Variants in MAMDC2 observed in about 807,000 individuals in gnomAD.
MAMDC2 encodes the protein MAM domain containing 2, also known as MAM domain-containing protein 2.
A neutral mutation model predicts 89.8 loss-of-function variants in MAMDC2; 57 were observed. The ratio of observed to expected loss-of-function variants is 0.63; its 90% CI spans 0.51 to 0.79. MAMDC2 has a LOEUF of 0.79. Among genes scored for constraint, MAMDC2 ranks in the 30% least tolerant of loss-of-function variants. The pLI, the probability that MAMDC2 is intolerant of heterozygous loss-of-function variation, is 0.00. For synonymous variants in MAMDC2, 313 were observed against 293.4 expected, an observed-to-expected ratio of 1.07 and a Z score of -0.68; for missense variants, 800 against 820.6, an observed-to-expected ratio of 0.97 and a Z score of 0.31.
chr9:70,088,161 C>T (rs534345208), intron 2 of MAMDC2, among the ~76,000 whole-genome samples: 54 of 152,224 alleles, frequency 3.5e-4, no homozygotes, highest in Non-Finnish European at 6.5e-4. Flanking sequence ...CCATTTACCC[C>T]TGGGCTCCTA....
Position 70,043,856 on chromosome 9 carries a change from C to G in MAMDC2, c.-342C>G, listed in dbSNP as rs1356847523. On this transcript the variant is annotated 5_prime_UTR_variant, in exon 1 of 14. Transcript: ENST00000377182. ...CGAAGGCACTGCGGGCCGACCTCTC[C>G]TCTCCCAGCCAGTCGTGGCTGGCCT... 1 of 372,314 alleles carries G rather than the reference C, an allele frequency of 2.7e-6. No individual in the cohort carries two copies. Among genetic ancestry groups the G allele is most frequent in the Non-Finnish European group, 4.9e-6 (1 of 204,618 alleles). 23.1% of individuals were successfully genotyped at this position (372,314 alleles called of 1,614,324 possible).
intron 9 of MAMDC2, among the ~76,000 whole-genome samples, chr9:70,162,429 G>T (rs181339786): frequency 6.6e-6 from 1 of 151,734 alleles, no homozygotes; most frequent in Non-Finnish European, 1.5e-5. Context: ...ATCTTGATTT[G>T]GTTTGAGAAC....
chr9:70,126,110 T>TCCCCC, intron 5 of MAMDC2, 49 bp from the exon 6 acceptor site: 7 of 1,004,970 alleles, frequency 7.0e-6, no homozygotes, highest in South Asian at 3.1e-5. Flanking sequence ...CCTCTTCCCC[T>TCCCCC]CCCCCACCCC....
chr9:70,108,937 G>A (rs1828422797), intron 3 of MAMDC2, among the ~76,000 whole-genome samples: 1 of 152,184 alleles, frequency 6.6e-6, no homozygotes, highest in Non-Finnish European at 1.5e-5. Flanking sequence ...TAAAGGACAT[G>A]TTCCATTTCC....
chr9:70,062,260 T>TACACAC (rs71505376), intron 2 of MAMDC2, among the ~76,000 whole-genome samples: 4 of 150,150 alleles, frequency 2.7e-5, no homozygotes, highest in South Asian at 2.1e-4. Context: ...ATGAGATGTA[T>TACACAC]ACACACACAC....
chr9:70,167,582 C>T (rs1305452746), intron 9 of MAMDC2, among the ~76,000 whole-genome samples: 5 of 152,250 alleles, frequency 3.3e-5, no homozygotes, highest in Middle Eastern at 6.8e-3. Flanking sequence ...GCTTGTGCTA[C>T]GTAAACATTG....
intron 12 of MAMDC2, among the ~76,000 whole-genome samples, chr9:70,222,423 G>A (rs2033581299): frequency 6.6e-6 from 1 of 152,126 alleles, no homozygotes; most frequent in Admixed American, 6.5e-5. Flanking sequence ...GAATGGGGGT[G>A]GGCAGGTAGA....
chr9:70,051,008 C>T (rs765852788), intron 2 of MAMDC2, among the ~76,000 whole-genome samples: 17 of 152,214 alleles, frequency 1.1e-4, no homozygotes, highest in Admixed American at 2.6e-4. Context: ...CCACCCCAGC[C>T]TGCTAGTGCC....
At chr9:70,101,909 A>T (rs1176389756) in intron 2 of MAMDC2, among the ~76,000 whole-genome samples, 1 of 152,206 alleles carries the variant, frequency 6.6e-6, no homozygotes, top group Admixed American at 6.5e-5. Flanking sequence ...TACATTGTCA[A>T]AATTGCTCTT....
At chr9:70,179,286 G>A (rs2032578956) in intron 11 of MAMDC2, among the ~76,000 whole-genome samples, 1 of 152,008 alleles carries the variant, frequency 6.6e-6, no homozygotes, top group African/African-American at 2.4e-5. Flanking sequence ...GCTGAGGCAG[G>A]CGGATCACGA....
intron 7 of MAMDC2, among the ~76,000 whole-genome samples, chr9:70,136,080 G>A (rs1195565739): frequency 6.6e-6 from 1 of 152,182 alleles, no homozygotes; most frequent in Non-Finnish European, 1.5e-5. Flanking sequence ...GAACCCAGGA[G>A]GCAGAGGCTA....
At chr9:70,102,319 C>T (rs1171832914) in intron 2 of MAMDC2, among the ~76,000 whole-genome samples, 3 of 152,148 alleles carry the variant, frequency 2.0e-5, no homozygotes, top group Admixed American at 2.0e-4. Flanking sequence ...ACAGTCACCC[C>T]AGCATGATTA....
chr9:70,104,453 G>C (rs1379913071), intron 2 of MAMDC2, among the ~76,000 whole-genome samples: 1 of 152,096 alleles, frequency 6.6e-6, no homozygotes, highest in Non-Finnish European at 1.5e-5. Context: ...CATACACCTA[G>C]GAGAAGTGAA....
rs553878492 is a variant in MAMDC2 at position 70,058,475 on chromosome 9, T to G, written c.148+13778T>G. On this transcript the variant is annotated intron_variant, in intron 2 of 13. Coordinates refer to ENST00000377182, the MANE Select transcript of MAMDC2 (RefSeq NM_153267.5). ...ATAACCCATATGGAGTGGTTTCTTT[T>G]GGGTATATATTGTTCTCCGTGTTTT... Among the ~76,000 whole-genome samples the G allele has an allele frequency of 4.1e-3, 625 of 152,324 alleles. 1 individual carries two copies. The highest frequency in any genetic ancestry group is 0.014 in the African/African-American group (599 of 41,566).
chr9:70,108,142 T>G, intron 2 of MAMDC2, 69 bp from the exon 3 acceptor site: 1 of 1,413,054 alleles, frequency 7.1e-7, no homozygotes. Flanking sequence ...TTTACTTAAC[T>G]GCAGTTACGT....
chr9:70,080,116 C>A (rs1327208714), intron 2 of MAMDC2, among the ~76,000 whole-genome samples: 1 of 152,086 alleles, frequency 6.6e-6, no homozygotes, highest in African/African-American at 2.4e-5. Context: ...ACCATTCATG[C>A]CTTTATGACC....
chr9:70,182,186 T>C (rs7875348), intron 11 of MAMDC2, among the ~76,000 whole-genome samples: 127,659 of 152,038 alleles, frequency 0.84, 53,719 homozygotes, highest in Admixed American at 0.89. Context: ...GAACCAGCCT[T>C]GTATCCCAGG....
At chr9:70,055,707 T>C (rs1827011164) in intron 2 of MAMDC2, among the ~76,000 whole-genome samples, 2 of 152,188 alleles carry the variant, frequency 1.3e-5, no homozygotes, top group Admixed American at 1.3e-4. Context: ...CTAATTTCTT[T>C]TCCATAACAG....
chr9:70,109,152 A>G (rs1164370876), intron 3 of MAMDC2: 2 of 152,500 alleles, frequency 1.3e-5, no homozygotes, highest in Non-Finnish European at 2.9e-5. Context: ...CCGTCTTTCA[A>G]TTTCCTATCC....
Sources: gnomAD v4.1 joint callset for allele counts (sites outside exome capture counted in the v4.1 genomes callset) on GRCh38, gnomAD v4.1.1 for gene constraint, MANE v1.5 for transcripts, NCBI Gene and HGNC (gene_info 2026-07-23, HGNC 2026-07-21) for gene names.